The following CC2D1B variants were observed in gnomAD, a reference collection of about 807,000 sequenced individuals.
CC2D1B encodes the protein coiled-coil and C2 domain-containing protein 1B.
CC2D1B carries 92 observed loss-of-function variants against 110.8 expected under a neutral mutation model. The observed-to-expected ratio is 0.83, with a 90% CI of 0.70 to 0.99. The LOEUF is 0.99. Among genes scored for constraint, CC2D1B ranks in the 50% least tolerant of loss-of-function variants. CC2D1B has a pLI of 0.00. For synonymous variants in CC2D1B, 406 were observed against 429.2 expected (o/e 0.95, Z 0.67); for missense variants, 1,136 against 1,089.0 (o/e 1.04, Z -0.61).
In CC2D1B at chr1:52,354,843, T is replaced by C. The variant is rs752239017; in HGVS notation, c.2336A>G (p.Lys779Arg). ...GCATGACCGATAGGAGCCTCACCCT[T>C]TGTGGAAGATCTCAAACTTGATGCC... is the stretch of plus-strand genomic sequence containing the variant. ...SKGIKFEIFH[K>R]GSFFRSDKLV... The change falls in exon 22 of 25, where the codon AAA (lysine) becomes AGA (arginine). Residue 779 changes from lysine (K) to arginine (R), a missense_variant. By Grantham distance (26) the Lys-to-Arg change is conservative (BLOSUM62 2). Transcript: ENST00000284376. 1 of 1,613,830 alleles carries C rather than the reference T, an allele frequency of 6.2e-7. No homozygotes were observed. Among genetic ancestry groups the C allele is most frequent in the South Asian group, 1.1e-5 (1 of 91,074 alleles).
chr1:52,354,393 A>C, intron 23 of CC2D1B: 1 of 697,552 alleles, frequency 1.4e-6, no homozygotes, highest in Non-Finnish European at 2.6e-6. Flanking sequence ...TCATGGAAAC[A>C]AGGAGGCTGC....
Position 52,361,553 on chromosome 1 carries a change from T to C in CC2D1B, c.278A>G (p.Glu93Gly). 1.2e-6 allele frequency: 2 copies of C among 1,613,590 alleles called. No homozygotes were observed. The highest frequency in any genetic ancestry group is 1.7e-6 in the Non-Finnish European group (2 of 1,179,920). ...TTCCTCCAGCCCTTCCTCCTCCTCC[T>C]CCTCCTCCACATCCCGCATACAGTC... ...AADCMRDVEEEEEEEGLEEDA... is the reference protein window; with the variant it reads ...AADCMRDVEEGEEEEGLEEDA... Residue 93 changes from glutamate (E) to glycine (G), a missense_variant, in exon 4 of 25, where the codon GAG becomes GGG. By Grantham distance (98) the Glu-to-Gly change is moderately conservative (BLOSUM62 -2). Coordinates refer to ENST00000284376, the MANE Select transcript of CC2D1B (RefSeq NM_001330585.2).
At position 52,360,108 on chromosome 1, in the gene CC2D1B, C is replaced by T; in HGVS notation, c.729G>A (p.Glu243=). 6.2e-7 allele frequency: 1 copy of T among 1,602,002 alleles called. No individual in the cohort carries two copies. Among genetic ancestry groups the T allele is most frequent in the Non-Finnish European group, 8.5e-7 (1 of 1,174,222 alleles). ...APQEPANRSP[E]TDPPAPPALE... Reference sequence around the variant, plus strand: ...AGGCAGGGGGAGCTGGAGGGTCTGTCTCAGGGCTCCTGTTGGCTGGTTCCT... The same window carrying T: ...AGGCAGGGGGAGCTGGAGGGTCTGTTTCAGGGCTCCTGTTGGCTGGTTCCT... Residue 243 remains glutamate (E), a synonymous_variant, in exon 7 of 25, where the codon GAG becomes GAA. Transcript: ENST00000284376.
intron 15 of CC2D1B, 112 bp from the exon 16 acceptor site, chr1:52,357,238 G>T: frequency 7.6e-7 from 1 of 1,315,282 alleles, no homozygotes. Flanking sequence ...CTAAAGTCCA[G>T]TGATGACAAC....
rs926290768 is a variant in CC2D1B, at chr1:52,353,054, C to T, written c.*171G>A. On this transcript the variant is annotated 3_prime_UTR_variant, in exon 25 of 25. Coordinates refer to ENST00000284376, the MANE Select transcript of CC2D1B (RefSeq NM_001330585.2). The stretch of plus-strand genomic sequence containing the variant: ...CTGTTTCTGTAGAGCCCCAGAGGGG[C>T]CAACAACAGGAAAGACCAGAGTCGT... 3.7e-5 allele frequency: 22 copies of T among 595,348 alleles called. No homozygotes were observed. The African/African-American group carries it at 3.7e-4, about 10-fold the overall frequency. The allele number at this position is 595,348 out of a possible 1,614,324, so 36.9% of individuals were successfully genotyped here. A position where few individuals can be genotyped will look rare whatever the true frequency, so the allele number is the denominator to read the frequency against.
At position 52,362,727 on chromosome 1, in the gene CC2D1B, A is replaced by G. The variant is rs1646809589; in HGVS notation, c.89T>C (p.Phe30Ser). The G allele has an allele frequency of 6.2e-7, 1 of 1,614,090 alleles. No homozygotes were observed. Among genetic ancestry groups the G allele is most frequent in the Non-Finnish European group, 8.5e-7 (1 of 1,180,012 alleles). ...GCCCAGCAGCATGTCCTCAGGGCCA[A>G]ACTCCATAAAGAGCCCCATCTGAGA... The part of the protein sequence containing the change: ...AAKQMGLFME[F>S]GPEDMLLGMD... The change falls in exon 3 of 25, where the codon TTT becomes TCT. Residue 30 changes from phenylalanine to serine, a missense_variant. Phe to Ser is a radical substitution (Grantham distance 155, BLOSUM62 -2). Transcript: ENST00000284376.
chr1:52,354,176 A>C (rs17107179), intron 23 of CC2D1B, among the ~76,000 whole-genome samples: 10,235 of 152,262 alleles, frequency 0.067, 1,125 homozygotes, highest in African/African-American at 0.23. Flanking sequence ...GGCCCGCATA[A>C]GAACAACTTC....
intron 23 of CC2D1B, chr1:52,354,017 T>G: frequency 3.5e-6 from 1 of 283,500 alleles, no homozygotes; most frequent in Non-Finnish European, 6.8e-6. Flanking sequence ...TGTGGCAGAG[T>G]CAGCACTGGA....
chr1:52,360,623 G>A, intron 5 of CC2D1B, 74 bp from the exon 6 acceptor site: 1 of 1,551,344 alleles, frequency 6.4e-7, no homozygotes, highest in Non-Finnish European at 8.7e-7. Flanking sequence ...TGCGGAAGCT[G>A]CCCTAGAAGA....
In CC2D1B at chr1:52,356,415, T is replaced by C; in HGVS notation, c.1906A>G (p.Met636Val). 2 of 1,614,238 alleles carry C rather than the reference T, an allele frequency of 1.2e-6. No individual in the cohort carries two copies. Among genetic ancestry groups the C allele is most frequent in the South Asian group, 1.1e-5 (1 of 91,088 alleles). ...EKCLLFSKQFMHQGNVAETTR... is the reference protein window; with the variant it reads ...EKCLLFSKQFVHQGNVAETTR... ...GTCTCAGCCACGTTGCCCTGGTGCATGAACTGCTTGGAGAACAGCAGGCAC... is the reference window on the plus strand; with the variant it reads ...GTCTCAGCCACGTTGCCCTGGTGCACGAACTGCTTGGAGAACAGCAGGCAC... The change falls in exon 17 of 25, where the codon ATG (methionine) becomes GTG (valine). Residue 636 changes from methionine to valine, a missense_variant. Physicochemically the swap from Met to Val is conservative, Grantham distance 21 (BLOSUM62 1). Coordinates refer to ENST00000284376, the MANE Select transcript of CC2D1B (RefSeq NM_001330585.2).
chr1:52,361,194 C>A, intron 4 of CC2D1B, 62 bp from the exon 5 acceptor site: 3 of 1,590,828 alleles, frequency 1.9e-6, no homozygotes, highest in Non-Finnish European at 2.6e-6. Context: ...ACAACAGGAC[C>A]TGAGAGTAAA....
Position 52,353,031 on chromosome 1 carries a change from G to A in CC2D1B, c.*194C>T, listed in dbSNP as rs980400092. 4.2e-6 allele frequency: 2 copies of A among 471,334 alleles called. No individual in the cohort carries two copies. The highest frequency in any genetic ancestry group is 6.9e-5 in the Admixed American group (2 of 29,134). 29.2% of individuals were successfully genotyped at this position (471,334 alleles called of 1,614,324 possible). A position where few individuals can be genotyped will look rare whatever the true frequency, so the allele number is the denominator to read the frequency against. On this transcript the variant is annotated 3_prime_UTR_variant, in exon 25 of 25. Coordinates refer to ENST00000284376, the MANE Select transcript of CC2D1B (RefSeq NM_001330585.2). ...GAGATGGGCTCCTGGAACCCAGCCT[G>A]TTTCTGTAGAGCCCCAGAGGGGCCA...
In CC2D1B at chr1:52,358,467, GGA is replaced by G. The variant is rs1242903940; in HGVS notation, c.1331-8_1331-7del. 1.9e-6 allele frequency: 3 copies of G among 1,613,350 alleles called. No individual in the cohort carries two copies. In the African/African-American group the frequency reaches 4.0e-5, roughly 22 times the overall value. On this transcript the variant is annotated splice_region_variant and splice_polypyrimidine_tract_variant and intron_variant, in intron 12 of 24. Coordinates refer to ENST00000284376, the MANE Select transcript of CC2D1B (RefSeq NM_001330585.2). The stretch of plus-strand genomic sequence containing the variant: ...GCCAGGGATGGGGGGAAATCCTGTG[GGA>G]GAGAGACAGCATGGGAGGGGCAGGG...
rs373946917 is a variant in CC2D1B at position 52,357,657 on chromosome 1, A to G, written c.1621T>C (p.Tyr541His). ...LALLEARKLQYQRAALQAKRS... is the reference protein window; with the variant it reads ...LALLEARKLQHQRAALQAKRS... The stretch of plus-strand genomic sequence containing the variant: ...TTGGCCTGCAGGGCTGCCCGCTGAT[A>G]CTGCAGTTTCCGTGCCTCCAGCAGT... Residue 541 changes from tyrosine to histidine, a missense_variant, in exon 15 of 25, where the codon TAT (tyrosine) becomes CAT (histidine). By Grantham distance (83) the Tyr-to-His change is moderately conservative (BLOSUM62 2). Coordinates refer to ENST00000284376, the MANE Select transcript of CC2D1B (RefSeq NM_001330585.2). The G allele has an allele frequency of 1.9e-6, 3 of 1,601,374 alleles. No individual in the cohort carries two copies. The African/African-American group carries it at 4.0e-5, about 21-fold the overall frequency.
At chr1:52,364,506 C>T (rs780299548) in intron 2 of CC2D1B, 46 bp downstream of exon 2, 1 of 1,386,344 alleles carries the variant, frequency 7.2e-7, no homozygotes, top group Non-Finnish European at 1.0e-6. Flanking sequence ...TCTAGGGACC[C>T]CCATCCCCAA....
Position 52,353,644 on chromosome 1 carries a change from G to C in CC2D1B, c.2434C>G (p.Leu812Val). The C allele has an allele frequency of 6.3e-7, 1 of 1,594,490 alleles. No homozygotes were observed. Among genetic ancestry groups the C allele is most frequent in the Non-Finnish European group, 8.5e-7 (1 of 1,170,050 alleles). The stretch of plus-strand genomic sequence containing the variant: ...CCCCCGGTGGGCTTCCTTCCATCCA[G>C]GACCTGTGAGGACCACAGAGAGGGA... ...ECEIREIVEVLDGRKPTGGKL... is the reference protein window; with the variant it reads ...ECEIREIVEVVDGRKPTGGKL... The change falls in exon 24 of 25, where the codon CTG becomes GTG. Residue 812 changes from leucine to valine, a missense_variant. Transcript: ENST00000284376.
chr1:52,353,830 G>GGTGA, intron 23 of CC2D1B, 183 bp from the exon 24 acceptor site: 1 of 543,586 alleles, frequency 1.8e-6, no homozygotes, highest in Non-Finnish European at 3.2e-6. Flanking sequence ...GGTGGTTTTA[G>GGTGA]GTGAGTCTTA....
At chr1:52,355,051 G>T in intron 21 of CC2D1B, 112 bp from the exon 22 acceptor site, 1 of 851,980 alleles carries the variant, frequency 1.2e-6, no homozygotes, top group Non-Finnish European at 2.0e-6. Flanking sequence ...CCTGCATTTT[G>T]GGGTACTGCC....
At chr1:52,354,516 G>T in intron 23 of CC2D1B, 92 bp downstream of exon 23, 1 of 1,030,012 alleles carries the variant, frequency 9.7e-7, no homozygotes. Flanking sequence ...ATTAAGTAAT[G>T]AGCACGAAAA....
Sources: gnomAD v4.1 joint callset for allele counts (sites outside exome capture counted in the v4.1 genomes callset) on GRCh38, gnomAD v4.1.1 for gene constraint, MANE v1.5 for transcripts, NCBI Gene and HGNC (gene_info 2026-07-23, HGNC 2026-07-21) for gene names.